Variants in SLC19A2 observed in about 807,000 individuals in gnomAD.
The protein encoded by SLC19A2 is solute carrier family 19 member 2, also known as thiamine transporter 1.
A neutral mutation model predicts 44.7 loss-of-function variants in SLC19A2; 27 were observed. The ratio of observed to expected loss-of-function variants is 0.60; its 90% CI spans 0.45 to 0.83. The LOEUF (loss-of-function observed/expected upper bound fraction) is 0.83, where lower values mean the gene tolerates loss of function less well. Ranked by LOEUF, SLC19A2 falls within the 40% of genes least tolerant of loss-of-function variation. The probability of loss-of-function intolerance (pLI) is 0.00; values close to 1 mark genes in which losing one functional copy is unlikely to be tolerated. For synonymous variants in SLC19A2, 239 were observed against 243.6 expected (o/e 0.98, Z 0.18); for missense variants, 566 against 613.7 (o/e 0.92, Z 0.82).
At chr1:169,481,311 T>C (rs1433128982) in intron 1 of SLC19A2, among the ~76,000 whole-genome samples, 2 of 152,250 alleles carry the variant, frequency 1.3e-5, no homozygotes, top group African/African-American at 2.4e-5. Context: ...TATCACAGGA[T>C]TGGCAGAAGA....
At chr1:169,468,013 C>T (rs1295013702) in intron 5 of SLC19A2, 98 bp downstream of exon 5, 26 of 1,198,240 alleles carry the variant, frequency 2.2e-5, no homozygotes, top group Middle Eastern at 3.9e-4. Flanking sequence ...TACATCTGTT[C>T]CCTATTGTTT....
Position 169,468,736 on chromosome 1 carries a change from C to T in SLC19A2, c.1131G>A (p.Val377=), listed in dbSNP as rs770179076. The T allele has an allele frequency of 5.6e-6, 9 of 1,613,536 alleles. No homozygotes were observed. Among genetic ancestry groups the T allele is most frequent in the Non-Finnish European group, 7.6e-6 (9 of 1,179,696 alleles). ...TGTTACCCACAGTGTCCATGATATA[C>T]ACTGCAGCAGCAATCAGGAGAGAAA... is the stretch of plus-strand genomic sequence containing the variant. ...SLFSLLIAAA[V]YIMDTVGNIW... Residue 377 remains valine, a synonymous_variant, in exon 4 of 6, where the codon GTG becomes GTA. Coordinates refer to ENST00000236137, the MANE Select transcript of SLC19A2 (RefSeq NM_006996.3).
At position 169,464,691 on chromosome 1, in the gene SLC19A2, T is replaced by G. The variant is rs1017501066; in HGVS notation, c.*1158A>C. 6.6e-6 allele frequency: 1 copy of G among 152,598 alleles called. No homozygotes were observed. Among genetic ancestry groups the G allele is most frequent in the African/African-American group, 2.4e-5 (1 of 41,448 alleles). 9.5% of individuals were successfully genotyped at this position (152,598 alleles called of 1,614,324 possible). A position where few individuals can be genotyped will look rare whatever the true frequency, so the allele number is the denominator to read the frequency against. ...ATATAGAACATTTTTTCAAGTAACTTGGTAATGAAATCACTAGCAATTTTA... is the reference window on the plus strand; with the variant it reads ...ATATAGAACATTTTTTCAAGTAACTGGGTAATGAAATCACTAGCAATTTTA... On this transcript the variant is annotated 3_prime_UTR_variant, in exon 6 of 6. Transcript: ENST00000236137.
intron 2 of SLC19A2, chr1:169,473,957 A>G (rs1219861372): frequency 6.6e-6 from 1 of 152,038 alleles, no homozygotes; most frequent in African/African-American, 2.4e-5. Flanking sequence ...TACTCAAAAT[A>G]ACTGTATAAG....
intron 1 of SLC19A2, among the ~76,000 whole-genome samples, chr1:169,478,586 T>C (rs1456871100): frequency 7.2e-6 from 1 of 139,838 alleles, no homozygotes; most frequent in Non-Finnish European, 1.5e-5. Context: ...TTACCCAGGC[T>C]GGTCTCAAAC....
At chr1:169,470,710 T>A (rs1288462719) in intron 2 of SLC19A2, among the ~76,000 whole-genome samples, 2 of 152,116 alleles carry the variant, frequency 1.3e-5, no homozygotes, top group Non-Finnish European at 2.9e-5. Flanking sequence ...TCCTTAAACT[T>A]TTTATATTAC....
chr1:169,482,150 GA>G (rs762638407), intron 1 of SLC19A2, among the ~76,000 whole-genome samples: 91 of 151,808 alleles, frequency 6.0e-4, no homozygotes, highest in Non-Finnish European at 9.1e-4. Flanking sequence ...GCAGTGAGCC[GA>G]GATCACGCCA....
chr1:169,468,897 A>G, intron 3 of SLC19A2, 61 bp from the exon 4 acceptor site: 2 of 1,454,688 alleles, frequency 1.4e-6, no homozygotes, highest in South Asian at 1.1e-5. Flanking sequence ...GCAATAAATT[A>G]AAAACTCAGC....
Position 169,485,924 on chromosome 1 carries a change from C to A in SLC19A2, c.-158G>T. 1 of 873,188 alleles carries A rather than the reference C, an allele frequency of 1.1e-6. No homozygotes were observed. The highest frequency in any genetic ancestry group is 1.7e-6 in the Non-Finnish European group (1 of 586,260). 54.1% of individuals were successfully genotyped at this position (873,188 alleles called of 1,614,324 possible). ...CCGCCTCCGGCTACAGAACCCCCAG[C>A]TTTACCCTACAGACGCCTCTAGGGT... On this transcript the variant is annotated 5_prime_UTR_variant, in exon 1 of 6. Transcript: ENST00000236137.
Position 169,485,649 on chromosome 1 carries a change from A to G in SLC19A2, c.118T>C (p.Tyr40His). The G allele has an allele frequency of 6.4e-7, 1 of 1,557,590 alleles. No individual in the cohort carries two copies. Among genetic ancestry groups the G allele is most frequent in the South Asian group, 1.2e-5 (1 of 84,654 alleles). Residue 40 changes from tyrosine (Y) to histidine (H), a missense_variant, in exon 1 of 6, where the codon TAC becomes CAC. Tyr to His is a moderately conservative substitution (Grantham distance 83). Transcript: ENST00000236137. ...WFLPTALLCA[Y>H]GFFASLRPSE... Reference sequence around the variant, plus strand: ...GGCCTGAGGCTGGCGAAGAAGCCGTAGGCGCAGAGCAGCGCGGTCGGCAAG... The same window carrying G: ...GGCCTGAGGCTGGCGAAGAAGCCGTGGGCGCAGAGCAGCGCGGTCGGCAAG...
In SLC19A2 at chr1:169,465,176, C is replaced by T. The variant is rs1260355633; in HGVS notation, c.*673G>A. On this transcript the variant is annotated 3_prime_UTR_variant, in exon 6 of 6. Coordinates refer to ENST00000236137, the MANE Select transcript of SLC19A2 (RefSeq NM_006996.3). ...GGGAAGCATATGAATAATGCAAAAACGTACTTCTAAACAAATTTTACAGAA... is the reference window on the plus strand; with the variant it reads ...GGGAAGCATATGAATAATGCAAAAATGTACTTCTAAACAAATTTTACAGAA... 4.6e-5 allele frequency: 7 copies of T among 152,142 alleles called. No homozygotes were observed. Among genetic ancestry groups the T allele is most frequent in the South Asian group, 2.1e-4 (1 of 4,832 alleles). 9.4% of individuals were successfully genotyped at this position (152,142 alleles called of 1,614,324 possible).
intron 2 of SLC19A2, chr1:169,474,106 G>C (rs146643548): frequency 2.6e-5 from 4 of 152,020 alleles, no homozygotes; most frequent in Admixed American, 2.0e-4. Context: ...TGGTTCTCAG[G>C]GTTTATTGTA....
intron 1 of SLC19A2, among the ~76,000 whole-genome samples, chr1:169,483,218 G>T (rs1658481418): frequency 6.6e-6 from 1 of 152,058 alleles, no homozygotes; most frequent in African/African-American, 2.4e-5. Context: ...AAACCAACTT[G>T]GCCCTTCTGC....
At chr1:169,471,896 G>C (rs1658194517) in intron 2 of SLC19A2, among the ~76,000 whole-genome samples, 1 of 152,000 alleles carries the variant, frequency 6.6e-6, no homozygotes, top group South Asian at 2.1e-4. Context: ...AGCAACCCCA[G>C]TGTGGTGCTT....
At chr1:169,477,133 A>G (rs774145471) in intron 2 of SLC19A2, 22 bp downstream of exon 2, 2 of 1,612,986 alleles carry the variant, frequency 1.2e-6, no homozygotes, top group Admixed American at 1.7e-5. Flanking sequence ...AGCAATTACA[A>G]GATATTTAAG....
At chr1:169,468,386 C>T in intron 4 of SLC19A2, 134 bp from the exon 5 acceptor site, 1 of 777,596 alleles carries the variant, frequency 1.3e-6, no homozygotes, top group Non-Finnish European at 2.0e-6. Context: ...CCTTTCCAAC[C>T]AAATGAAAAC....
chr1:169,464,318 A>T lies in SLC19A2; in HGVS notation c.*1531T>A, dbSNP rs1007510450. ...AAAAAGAAAAACAGACAGAATGTAA[A>T]ATGAAGGTTGCTACTTTTATGATAT... On this transcript the variant is annotated 3_prime_UTR_variant, in exon 6 of 6. Coordinates refer to ENST00000236137, the MANE Select transcript of SLC19A2 (RefSeq NM_006996.3). The T allele has an allele frequency of 6.6e-6, 1 of 152,568 alleles. No individual in the cohort carries two copies. Among genetic ancestry groups the T allele is most frequent in the Admixed American group, 6.5e-5 (1 of 15,286 alleles). The allele number at this position is 152,568 out of a possible 1,614,324, so 9.5% of individuals were successfully genotyped here. A position where few individuals can be genotyped will look rare whatever the true frequency, so the allele number is the denominator to read the frequency against.
At chr1:169,484,496 T>A (rs1557894244) in intron 1 of SLC19A2, among the ~76,000 whole-genome samples, 1 of 152,164 alleles carries the variant, frequency 6.6e-6, no homozygotes, top group Non-Finnish European at 1.5e-5. Context: ...AGCTCTCAAG[T>A]GGCCCCTTGA....
chr1:169,469,892 T>A lies in SLC19A2; in HGVS notation c.1030+72A>T, dbSNP rs1658123335. The A allele has an allele frequency of 7.2e-6, 10 of 1,395,090 alleles. 1 individual carries two copies. In the Middle Eastern group the frequency reaches 1.7e-3, roughly 240 times the overall value. 86.4% of individuals were successfully genotyped at this position (1,395,090 alleles called of 1,614,324 possible). On this transcript the variant is annotated intron_variant, in intron 3 of 5. Transcript: ENST00000236137. ...CAAATTTGGGAGGGGTGAATAAATC[T>A]GATTATGGCTGGCTTAACTACCAGA...
Sources: allele counts gnomAD v4.1 joint callset (sites outside exome capture counted in the v4.1 genomes callset), GRCh38; gene constraint gnomAD v4.1.1; transcripts MANE v1.5; gene names NCBI Gene and HGNC (gene_info 2026-07-23, HGNC 2026-07-21).